The following MTA1 variants were observed in gnomAD, a reference collection of about 807,000 sequenced individuals.
MTA1 encodes the protein metastasis associated 1.
MTA1 carries 15 observed loss-of-function variants against 97.0 expected under a neutral mutation model. The observed-to-expected ratio is 0.15, with a 90% CI of 0.10 to 0.24. MTA1 has a LOEUF of 0.24. Among genes scored for constraint, MTA1 ranks in the 10% least tolerant of loss-of-function variants. The probability of loss-of-function intolerance (pLI) is 1.00; values close to 1 mark genes in which losing one functional copy is unlikely to be tolerated. For missense variants in MTA1, 709 were observed against 1,015.1 expected (o/e 0.70, Z 4.10); for synonymous variants, 435 against 417.5 (o/e 1.04, Z -0.51).
At chr14:105,441,510 A>G (rs1555425642) in intron 2 of MTA1, among the ~76,000 whole-genome samples, 1 of 152,212 alleles carries the variant, frequency 6.6e-6, no homozygotes, top group Admixed American at 6.5e-5. Context: ...AATTGAACTC[A>G]GAGGCTGGAC....
At chr14:105,444,384 G>A (rs2082645774) in intron 2 of MTA1, among the ~76,000 whole-genome samples, 1 of 151,158 alleles carries the variant, frequency 6.6e-6, no homozygotes, top group Admixed American at 6.6e-5. Context: ...CAAAAAAAAA[G>A]CCAGGCATGG....
chr14:105,440,828 G>A (rs2082486833), intron 2 of MTA1, among the ~76,000 whole-genome samples: 1 of 152,266 alleles, frequency 6.6e-6, no homozygotes, highest in African/African-American at 2.4e-5. Context: ...TCCACGCCAA[G>A]GAGCTCCAGG....
chr14:105,439,941 C>T (rs1292075114), intron 2 of MTA1, among the ~76,000 whole-genome samples: 9 of 152,290 alleles, frequency 5.9e-5, no homozygotes, highest in Admixed American at 2.0e-4. Flanking sequence ...AAGGTTAGCG[C>T]GCCACCTCTG....
At chr14:105,425,858 G>A (rs1216138204) in intron 1 of MTA1, among the ~76,000 whole-genome samples, 2 of 56,090 alleles carry the variant, frequency 3.6e-5, no homozygotes, top group African/African-American at 7.3e-5. Context: ...CGGCACCCCC[G>A]AGCCCAGGCC....
rs141609943 is a variant in MTA1 at position 105,464,597 on chromosome 14, C to G, written c.1344+30C>G. The G allele has an allele frequency of 4.4e-5, 71 of 1,611,566 alleles. No homozygotes were observed. The Middle Eastern group carries it at 1.8e-3, about 41-fold the overall frequency. ...GGGGGGGGACACCCGCCCTGCCTGC[C>G]ATGAGCCTGTCGGCCACGCGGGTCC... On this transcript the variant is annotated intron_variant, in intron 14 of 20. Coordinates refer to ENST00000331320, the MANE Select transcript of MTA1 (RefSeq NM_004689.4).
chr14:105,451,775 C>CTTTTTTTTTTTTTTTTTT (rs1436886470), intron 6 of MTA1, among the ~76,000 whole-genome samples: 2 of 118,268 alleles, frequency 1.7e-5, no homozygotes, highest in Non-Finnish European at 1.7e-5. Context: ...TTTTCTTTTT[C>CTTTTTTTTTTTTTTTTTT]TTTTTTTGTT....
intron 18 of MTA1, chr14:105,467,849 C>T (rs1555433282): frequency 4.1e-6 from 1 of 242,542 alleles, no homozygotes; most frequent in Non-Finnish European, 8.2e-6. Context: ...CAGCAGGCAT[C>T]TTCGAGCTTT....
chr14:105,445,555 G>T (rs150096448), intron 3 of MTA1, 44 bp downstream of exon 3: 5 of 1,595,610 alleles, frequency 3.1e-6, no homozygotes, highest in Non-Finnish European at 4.3e-6. Flanking sequence ...CGGGAGGGTC[G>T]GCTGGGGAGG....
At chr14:105,434,271 C>A (rs897730363) in intron 1 of MTA1, among the ~76,000 whole-genome samples, 1 of 152,314 alleles carries the variant, frequency 6.6e-6, no homozygotes, top group African/African-American at 2.4e-5. Flanking sequence ...TAACCCTTGA[C>A]ACCTTATCTG....
chr14:105,453,451 A>G (rs587696071), intron 6 of MTA1, among the ~76,000 whole-genome samples: 2 of 152,388 alleles, frequency 1.3e-5, no homozygotes, highest in Admixed American at 1.3e-4. Flanking sequence ...CGGAGGCCAC[A>G]GTGAGCTGTG....
intron 10 of MTA1, among the ~76,000 whole-genome samples, chr14:105,462,927 G>C (rs1394481715): frequency 6.6e-6 from 1 of 152,232 alleles, no homozygotes; most frequent in Non-Finnish European, 1.5e-5. Flanking sequence ...ACCTCGGCAA[G>C]ATCTCGACCT....
chr14:105,445,903 C>T (rs1017068482), intron 3 of MTA1: 2 of 344,960 alleles, frequency 5.8e-6, no homozygotes, highest in Middle Eastern at 4.3e-4. Context: ...TTTAATTTTG[C>T]GGAGAGGCTT....
intron 2 of MTA1, 45 bp from the exon 3 acceptor site, chr14:105,445,373 C>T (rs369490422): frequency 5.5e-4 from 874 of 1,581,768 alleles, no homozygotes; most frequent in Non-Finnish European, 6.9e-4. Context: ...CTGTGCAGCC[C>T]GGGTTTGGTC....
Position 105,420,937 on chromosome 14 carries a change from A to T in MTA1, c.28+874A>T, listed in dbSNP as rs1403987544. 6.6e-6 allele frequency among the ~76,000 whole-genome samples: 1 copy of T among 152,000 alleles called. No homozygotes were observed. The highest frequency in any genetic ancestry group is 1.5e-5 in the Non-Finnish European group (1 of 67,964). ...CTGTGACCCTCTCGGGCAGGTGCTC[A>T]TTACCTTTCCCACCTGCAGCCTGCG... On this transcript the variant is annotated intron_variant, in intron 1 of 20. Transcript: ENST00000331320. The surrounding 1 kb of genome is among the most constrained non-coding windows in gnomAD (Gnocchi z 5.3).
chr14:105,467,802 C>T (rs2083659669), intron 18 of MTA1: 1 of 268,636 alleles, frequency 3.7e-6, no homozygotes, highest in East Asian at 1.3e-4. Flanking sequence ...CAGGAACAGC[C>T]CCATAAGAGC....
At chr14:105,426,175 T>C (rs2141406425) in intron 1 of MTA1, among the ~76,000 whole-genome samples, 1 of 152,114 alleles carries the variant, frequency 6.6e-6, no homozygotes, top group East Asian at 1.9e-4. Context: ...CCCTGGGGCA[T>C]GGAGGGGACC....
intron 18 of MTA1, 94 bp from the exon 19 acceptor site, chr14:105,469,373 C>A: frequency 1.4e-6 from 2 of 1,397,366 alleles, no homozygotes; most frequent in Non-Finnish European, 1.0e-6. Flanking sequence ...ATGGCCCCGG[C>A]CCATTGTCCC....
chr14:105,464,599 T>C (rs113355007), intron 14 of MTA1, 32 bp downstream of exon 14: 26 of 1,611,534 alleles, frequency 1.6e-5, no homozygotes, highest in African/African-American at 1.3e-4. Flanking sequence ...CTGCCTGCCA[T>C]GAGCCTGTCG....
At position 105,449,091 on chromosome 14, in the gene MTA1, T is replaced by C. The variant is rs1052198923; in HGVS notation, c.191-268T>C. The C allele has an allele frequency of 5.3e-5, 24 of 448,630 alleles. 1 individual carries two copies. Among genetic ancestry groups the C allele is most frequent in the Non-Finnish European group, 8.3e-5 (21 of 251,872 alleles). The allele number at this position is 448,630 out of a possible 1,614,324, so 27.8% of individuals were successfully genotyped here. On this transcript the variant is annotated intron_variant, in intron 3 of 20. Coordinates refer to ENST00000331320, the MANE Select transcript of MTA1 (RefSeq NM_004689.4). ...AGCCCCAGTGGAGTGGGGGCAGGGGTGGCCTCTGGACAGGGGCCCTCCACA... is the reference window on the plus strand; with the variant it reads ...AGCCCCAGTGGAGTGGGGGCAGGGGCGGCCTCTGGACAGGGGCCCTCCACA...
Sources: gnomAD v4.1 joint callset for allele counts (sites outside exome capture counted in the v4.1 genomes callset) on GRCh38, gnomAD v4.1.1 for gene constraint, Gnocchi (gnomAD v3.1) non-coding constraint, MANE v1.5 for transcripts, NCBI Gene and HGNC (gene_info 2026-07-23, HGNC 2026-07-21) for gene names.